Variants in MRPS6 observed in about 807,000 individuals in gnomAD.
MRPS6 encodes small ribosomal subunit protein bS6m.
Under a neutral mutation model 13.1 loss-of-function variants are expected in MRPS6, and 6 were observed. That is an observed-to-expected ratio of 0.46 (90% CI 0.25 to 0.91). The LOEUF is 0.91. MRPS6 is among the 40% of genes least tolerant of loss of function. The pLI is 0.18. For synonymous variants in MRPS6, 61 were observed against 56.5 expected (o/e 1.08, Z -0.36); for missense variants, 164 against 155.6 (o/e 1.05, Z -0.29).
chr21:34,123,281 A>G (rs1054981909), intron 1 of MRPS6: 2 of 152,046 alleles, frequency 1.3e-5, no homozygotes, highest in African/African-American at 4.8e-5. Context: ...TTGTTCTGCA[A>G]TTTTCTCTTC....
chr21:34,141,196 TA>T (rs1980895811), intron 2 of MRPS6, among the ~76,000 whole-genome samples: 1 of 152,204 alleles, frequency 6.6e-6, no homozygotes, highest in Admixed American at 6.5e-5. Flanking sequence ...TTCGGAGTGC[TA>T]GGGTTAACAC....
chr21:34,106,006 TGAAAAA>T, intron 1 of MRPS6: 1 of 995,310 alleles, frequency 1.0e-6, no homozygotes, highest in Non-Finnish European at 1.2e-6. Context: ...GTTTAAAAAA[TGAAAAA>T]AGCATATCTG....
At chr21:34,102,941 A>T in intron 1 of MRPS6, 3 of 999,774 alleles carry the variant, frequency 3.0e-6, no homozygotes, top group Non-Finnish European at 3.6e-6. Flanking sequence ...ATCTTGGTAA[A>T]TTCACCCTGT....
intron 1 of MRPS6, among the ~76,000 whole-genome samples, chr21:34,074,869 C>T (rs547963537): frequency 1.8e-4 from 28 of 152,230 alleles, no homozygotes; most frequent in African/African-American, 6.5e-4. Context: ...CACGGAGCGT[C>T]GGGAGATTGT....
chr21:34,089,654 C>T (rs1307889116), intron 1 of MRPS6, among the ~76,000 whole-genome samples: 1 of 151,954 alleles, frequency 6.6e-6, no homozygotes, highest in Admixed American at 6.5e-5. Context: ...CATTCTTAAC[C>T]CCTCCCCACT....
intron 2 of MRPS6, among the ~76,000 whole-genome samples, chr21:34,140,150 TCTC>T (rs1477657482): frequency 6.6e-6 from 1 of 152,098 alleles, no homozygotes; most frequent in Non-Finnish European, 1.5e-5. Flanking sequence ...CTCTCTCTCT[TCTC>T]ATCTTACTGG....
At chr21:34,115,597 A>G (rs576377572) in intron 1 of MRPS6, among the ~76,000 whole-genome samples, 10 of 152,178 alleles carry the variant, frequency 6.6e-5, no homozygotes, top group Non-Finnish European at 1.3e-4. Context: ...TTATTACTAT[A>G]TTGTTAAAAG....
intron 1 of MRPS6, chr21:34,095,891 C>T: frequency 1.2e-6 from 2 of 1,614,162 alleles, no homozygotes; most frequent in Middle Eastern, 1.7e-4. Context: ...TATTGACATA[C>T]AACCTTTCCA....
intron 1 of MRPS6, among the ~76,000 whole-genome samples, chr21:34,078,983 A>C (rs1208542747): frequency 6.6e-6 from 1 of 152,264 alleles, no homozygotes; most frequent in Admixed American, 6.5e-5. Context: ...GAATTAGTCA[A>C]ATGAATGTCT....
intron 2 of MRPS6, among the ~76,000 whole-genome samples, chr21:34,131,700 G>A (rs919691927): frequency 1.3e-5 from 2 of 152,262 alleles, no homozygotes; most frequent in Non-Finnish European, 1.5e-5. Flanking sequence ...ATAGAAATGC[G>A]GGACTGTACT....
intron 2 of MRPS6, among the ~76,000 whole-genome samples, chr21:34,139,327 A>G (rs1351229747): frequency 2.0e-5 from 3 of 151,658 alleles, no homozygotes; most frequent in African/African-American, 7.3e-5. Context: ...CCTAAAACTT[A>G]AAGTATAATA....
intron 1 of MRPS6, among the ~76,000 whole-genome samples, chr21:34,112,602 C>G (rs1979747207): frequency 6.6e-6 from 1 of 152,070 alleles, no homozygotes; most frequent in South Asian, 2.1e-4. Flanking sequence ...CCCACTATCC[C>G]CTGGCTCAGA....
rs138752825 is a variant in MRPS6 at position 34,133,478 on chromosome 21, A to C, written c.185+7998A>C. Among the ~76,000 whole-genome samples the C allele has an allele frequency of 8.4e-3, 1,285 of 152,322 alleles. 11 individuals carry two copies. Among genetic ancestry groups the C allele is most frequent in the Middle Eastern group, 0.024 (7 of 294 alleles). On this transcript the variant is annotated intron_variant, in intron 2 of 2. Coordinates refer to ENST00000399312, the MANE Select transcript of MRPS6 (RefSeq NM_032476.4). ...AGCTTCTAACCCTGTGAAGCAGTTG[A>C]ATGGAAAATGGAAGAAAGCAGTGCT...
intron 1 of MRPS6, among the ~76,000 whole-genome samples, chr21:34,085,656 C>T (rs1978335365): frequency 6.7e-6 from 1 of 150,156 alleles, no homozygotes; most frequent in African/African-American, 2.5e-5. Flanking sequence ...GCTGGAGTGC[C>T]AGTGGCGTGA....
Position 34,135,193 on chromosome 21 carries a change from A to T in MRPS6, c.186-7215A>T, listed in dbSNP as rs1980647393. On this transcript the variant is annotated intron_variant, in intron 2 of 2. Transcript: ENST00000399312. ...TTTCCAGTTTGGGGTTGTTATAGGT[A>T]CAGCTGCTGTGAACATTTGTGTACA... Among the ~76,000 whole-genome samples the T allele has an allele frequency of 2.0e-5, 3 of 152,262 alleles. No individual in the cohort carries two copies. In the South Asian group the frequency reaches 6.2e-4, roughly 32 times the overall value.
At position 34,142,992 on chromosome 21, in the gene MRPS6, G is replaced by A. The variant is rs1980956421; in HGVS notation, c.*392G>A. 6.3e-6 allele frequency: 1 copy of A among 158,640 alleles called. No homozygotes were observed. The highest frequency in any genetic ancestry group is 1.9e-4 in the South Asian group (1 of 5,262). 9.8% of individuals were successfully genotyped at this position (158,640 alleles called of 1,614,324 possible). On this transcript the variant is annotated 3_prime_UTR_variant, in exon 3 of 3. Transcript: ENST00000399312. ...AAATTGACGACCAATGTATTATATG[G>A]ACAACTTTTGCTTTGAGTAATAAAC...
intron 1 of MRPS6, among the ~76,000 whole-genome samples, chr21:34,077,950 T>C (rs1989373017): frequency 6.6e-6 from 1 of 152,204 alleles, no homozygotes. Flanking sequence ...CTGAAAGTAA[T>C]GCCTATGAAG....
chr21:34,114,252 A>G (rs1602950266), intron 1 of MRPS6, among the ~76,000 whole-genome samples: 1 of 152,322 alleles, frequency 6.6e-6, no homozygotes, highest in African/African-American at 2.4e-5. Context: ...AGTATTTACC[A>G]CAAATAGTCA....
At chr21:34,078,954 A>G (rs1447413298) in intron 1 of MRPS6, among the ~76,000 whole-genome samples, 1 of 152,226 alleles carries the variant, frequency 6.6e-6, no homozygotes, top group Non-Finnish European at 1.5e-5. Flanking sequence ...GTTACCTCTT[A>G]GGGGAATCCT....
Sources: gnomAD v4.1 joint callset for allele counts (sites outside exome capture counted in the v4.1 genomes callset) on GRCh38, gnomAD v4.1.1 for gene constraint, MANE v1.5 for transcripts, NCBI Gene and HGNC (gene_info 2026-07-23, HGNC 2026-07-21) for gene names.